Variants in RIMS2 observed in about 807,000 individuals in gnomAD.
RIMS2 encodes regulating synaptic membrane exocytosis 2, also known as regulating synaptic membrane exocytosis protein 2.
A neutral mutation model predicts 174.4 loss-of-function variants in RIMS2; 59 were observed. The observed-to-expected ratio is 0.34, with a 90% CI of 0.27 to 0.42. The LOEUF (loss-of-function observed/expected upper bound fraction) is 0.42. RIMS2 is among the 10% of genes least tolerant of loss of function. RIMS2 has a pLI of 1.00. For synonymous variants in RIMS2, 606 were observed against 572.5 expected, an observed-to-expected ratio of 1.06 and a Z score of -0.84; for missense variants, 1,620 against 1,666.3, an observed-to-expected ratio of 0.97 and a Z score of 0.48.
Position 104,178,867 on chromosome 8 carries a change from TAGAAAAATCTCAA to T in RIMS2, c.3335-66046_3335-66034del, listed in dbSNP as rs149388513. 5.9e-3 allele frequency among the ~76,000 whole-genome samples: 904 copies of T among 152,216 alleles called. 3 individuals are homozygous for T. Among genetic ancestry groups the T allele is most frequent in the Non-Finnish European group, 0.01 (681 of 68,004 alleles). On this transcript the variant is annotated intron_variant, in intron 19 of 23. Coordinates refer to ENST00000504942, the Ensembl canonical transcript of RIMS2. ...CCAACATCGTGGTAGCAACAGCAGT[TAGAAAAATCTCAA>T]AGTAGTTCTTGGATAATAAGAGAAA...
At chr8:103,613,066 C>T (rs1436266184) in intron 1 of RIMS2, among the ~76,000 whole-genome samples, 1 of 152,160 alleles carries the variant, frequency 6.6e-6, no homozygotes, top group Non-Finnish European at 1.5e-5. Flanking sequence ...TGTACTCAAA[C>T]CCCTAGGGCT....
At chr8:103,783,360 G>A (rs1164503762) in intron 3 of RIMS2, among the ~76,000 whole-genome samples, 41 of 149,552 alleles carry the variant, frequency 2.7e-4, no homozygotes, top group African/African-American at 8.1e-4. Context: ...ATGCTGGTGC[G>A]CTGCACCCAC....
At chr8:103,870,541 AT>A (rs970613763) in intron 3 of RIMS2, among the ~76,000 whole-genome samples, 2 of 152,014 alleles carry the variant, frequency 1.3e-5, no homozygotes, top group Admixed American at 6.6e-5. Context: ...ACACTGTCAA[AT>A]TCTTTCTGTT....
At chr8:104,105,070 C>T (rs528179379) in intron 19 of RIMS2, among the ~76,000 whole-genome samples, 15 of 152,066 alleles carry the variant, frequency 9.9e-5, no homozygotes, top group Admixed American at 5.9e-4. Context: ...GTTTTTGTAA[C>T]GGCTATTTAA....
At chr8:103,855,344 A>G (rs2099022101) in intron 3 of RIMS2, among the ~76,000 whole-genome samples, 1 of 151,972 alleles carries the variant, frequency 6.6e-6, no homozygotes, top group African/African-American at 2.4e-5. Context: ...TTGCATCTCA[A>G]TTTCATTAGA....
At chr8:103,600,259 T>TTTTC (rs71575973) in intron 1 of RIMS2, among the ~76,000 whole-genome samples, 26,400 of 151,218 alleles carry the variant, frequency 0.17, 2,466 homozygotes, top group African/African-American at 0.23. Flanking sequence ...AAATGCTACA[T>TTTTC]TTTCTTTCTT....
intron 3 of RIMS2, among the ~76,000 whole-genome samples, chr8:103,775,431 A>G (rs1592111453): frequency 6.6e-6 from 1 of 152,260 alleles, no homozygotes; most frequent in East Asian, 1.9e-4. Context: ...GAAGCAAATG[A>G]TCTCATAACC....
intron 19 of RIMS2, among the ~76,000 whole-genome samples, chr8:104,103,190 T>TA (rs5893677): frequency 0.24 from 35,607 of 150,838 alleles, 4,471 homozygotes; most frequent in African/African-American, 0.34. Flanking sequence ...GGAAAATCCT[T>TA]AAAAAAAAAG....
intron 19 of RIMS2, among the ~76,000 whole-genome samples, chr8:104,183,178 A>G (rs2098949659): frequency 6.6e-6 from 1 of 151,704 alleles, no homozygotes; most frequent in Admixed American, 6.6e-5. Flanking sequence ...TTAAATTATC[A>G]AAGGGATTGC....
chr8:103,919,063 A>C (rs191953982), intron 9 of RIMS2, among the ~76,000 whole-genome samples: 151 of 152,328 alleles, frequency 9.9e-4, no homozygotes, highest in African/African-American at 3.2e-3. Flanking sequence ...TAATTTAAAA[A>C]ATTATTTTGA....
intron 19 of RIMS2, among the ~76,000 whole-genome samples, chr8:104,208,571 A>G (rs2099091395): frequency 1.0e-5 from 1 of 98,142 alleles, no homozygotes; most frequent in Admixed American, 1.1e-4. Flanking sequence ...CCATCTCAAA[A>G]AAAAAGAAAA....
intron 1 of RIMS2, among the ~76,000 whole-genome samples, chr8:103,616,273 T>C (rs1418835841): frequency 6.6e-6 from 1 of 152,072 alleles, no homozygotes; most frequent in Non-Finnish European, 1.5e-5. Flanking sequence ...AAAAAACACA[T>C]GATTGTCTCA....
chr8:104,233,738 G>A lies in RIMS2; in HGVS notation c.3335-11178G>A, dbSNP rs547267090. Among the ~76,000 whole-genome samples, 17 of 152,266 alleles carry A rather than the reference G, an allele frequency of 1.1e-4. No individual in the cohort carries two copies. The East Asian group carries it at 2.3e-3, about 21-fold the overall frequency. ...AAGCTAGTATTTTTTTTCTATACCA[G>A]TAGTGCAGAAATTCAGTAGGCTTAC... On this transcript the variant is annotated intron_variant, in intron 19 of 23. Coordinates refer to ENST00000504942, the Ensembl canonical transcript of RIMS2.
intron 1 of RIMS2, among the ~76,000 whole-genome samples, chr8:103,512,802 T>G (rs1827182259): frequency 6.6e-6 from 1 of 152,148 alleles, no homozygotes; most frequent in African/African-American, 2.4e-5. Flanking sequence ...GCTTTCTACT[T>G]TTTAAAGAAT....
intron 1 of RIMS2, among the ~76,000 whole-genome samples, chr8:103,515,989 T>A (rs1828768051): frequency 6.6e-6 from 1 of 152,108 alleles, no homozygotes; most frequent in Non-Finnish European, 1.5e-5. Flanking sequence ...TATCCTCTCA[T>A]GTGCCATCTA....
At chr8:104,198,283 C>A (rs1286655777) in intron 19 of RIMS2, among the ~76,000 whole-genome samples, 1 of 152,210 alleles carries the variant, frequency 6.6e-6, no homozygotes, top group South Asian at 2.1e-4. Flanking sequence ...GTGTTTCAGA[C>A]CCCTGGCCAG....
intron 2 of RIMS2, among the ~76,000 whole-genome samples, chr8:103,732,448 A>G (rs945084531): frequency 1.6e-4 from 24 of 152,152 alleles, no homozygotes; most frequent in Non-Finnish European, 2.9e-5. Context: ...ACTGGTGAAC[A>G]TATCATCTAT....
intron 3 of RIMS2, among the ~76,000 whole-genome samples, chr8:103,839,418 G>A (rs544471834): frequency 6.6e-6 from 1 of 152,148 alleles, no homozygotes; most frequent in African/African-American, 2.4e-5. Flanking sequence ...GTCAAAGTTT[G>A]GTTTTAGGCT....
chr8:103,930,648 T>C (rs1393461575), intron 11 of RIMS2, among the ~76,000 whole-genome samples: 2 of 152,134 alleles, frequency 1.3e-5, no homozygotes, highest in African/African-American at 4.8e-5. Context: ...CTAAGGATAT[T>C]ATTCATCAAC....
Sources: gnomAD v4.1 joint callset for allele counts (sites outside exome capture counted in the v4.1 genomes callset) on GRCh38, gnomAD v4.1.1 for gene constraint, MANE v1.5 for transcripts, NCBI Gene and HGNC (gene_info 2026-07-23, HGNC 2026-07-21) for gene names.